ZC3H12C: variants seen among roughly 807,000 people sequenced by gnomAD.
ZC3H12C encodes the protein probable ribonuclease ZC3H12C.
Under a neutral mutation model 76.3 loss-of-function variants are expected in ZC3H12C, and 20 were observed. That is an observed-to-expected ratio of 0.26 (90% CI 0.18 to 0.38). ZC3H12C has a LOEUF of 0.38. Among genes scored for constraint, ZC3H12C ranks in the 10% least tolerant of loss-of-function variants. ZC3H12C has a pLI of 1.00. For missense variants in ZC3H12C, 874 were observed against 1,086.5 expected, an observed-to-expected ratio of 0.80 and a Z score of 2.75; for synonymous variants, 352 against 399.6, an observed-to-expected ratio of 0.88 and a Z score of 1.42.
chr11:110,120,947 G>A (rs1321577365), intron 1 of ZC3H12C, among the ~76,000 whole-genome samples: 6 of 152,176 alleles, frequency 3.9e-5, no homozygotes, highest in Non-Finnish European at 8.8e-5. Flanking sequence ...ATTTTAACAG[G>A]TGAAACTGTG....
rs569545450 is a variant in ZC3H12C, at chr11:110,127,392, C to T, written c.22-9271C>T. Among the ~76,000 whole-genome samples the T allele has an allele frequency of 2.0e-5, 3 of 152,270 alleles. No individual in the cohort carries two copies. In the South Asian group the frequency reaches 6.2e-4, roughly 32 times the overall value. On this transcript the variant is annotated intron_variant, in intron 1 of 5. Coordinates refer to ENST00000278590, the MANE Select transcript of ZC3H12C (RefSeq NM_033390.2). ...TCCTAAATATAATAACTCATAGATA[C>T]TAGAGTTAATGCCTATTTGATTTTT... is the stretch of plus-strand genomic sequence containing the variant.
rs1053753512 is a variant in ZC3H12C, at chr11:110,106,180, A to G, written c.21+12748A>G. ...CTACTCGGGAGGCTGAGGCAGGAGA[A>G]TGGCGTGAACCCGGGAGGCGGAGCT... On this transcript the variant is annotated intron_variant, in intron 1 of 5. Coordinates refer to ENST00000278590, the MANE Select transcript of ZC3H12C (RefSeq NM_033390.2). 5.8e-5 allele frequency among the ~76,000 whole-genome samples: 4 copies of G among 69,348 alleles called. 1 individual carries two copies. Among genetic ancestry groups the G allele is most frequent in the African/African-American group, 2.4e-4 (4 of 16,716 alleles). The allele number at this position is 69,348 out of a possible 152,430, so 45.5% of individuals were successfully genotyped here.
intron 3 of ZC3H12C, among the ~76,000 whole-genome samples, chr11:110,157,504 G>A (rs949400014): frequency 6.7e-6 from 1 of 149,454 alleles, no homozygotes; most frequent in Non-Finnish European, 1.5e-5. Flanking sequence ...GCGTGATCTC[G>A]GCTCACTGCA....
At chr11:110,093,498 G>T (rs1458267171) in intron 1 of ZC3H12C, 66 bp downstream of exon 1, 17 of 1,150,540 alleles carry the variant, frequency 1.5e-5, no homozygotes, top group Non-Finnish European at 1.8e-5. Context: ...GTAGCCGGTC[G>T]TGGGGAGGGC....
intron 2 of ZC3H12C, among the ~76,000 whole-genome samples, chr11:110,152,638 G>T (rs184570025): frequency 6.6e-6 from 1 of 152,104 alleles, no homozygotes; most frequent in East Asian, 1.9e-4. Flanking sequence ...AAAACAGCTT[G>T]TGTCTTTCTG....
chr11:110,101,150 C>A (rs546199931), intron 1 of ZC3H12C, among the ~76,000 whole-genome samples: 2 of 152,206 alleles, frequency 1.3e-5, no homozygotes, highest in South Asian at 2.1e-4. Context: ...TAAGCCAAAG[C>A]CTATTCCAGA....
At chr11:110,113,960 C>G (rs1861479543) in intron 1 of ZC3H12C, among the ~76,000 whole-genome samples, 1 of 152,080 alleles carries the variant, frequency 6.6e-6, no homozygotes, top group Non-Finnish European at 1.5e-5. Flanking sequence ...ACTCAGAAAC[C>G]TTCAGTGTTT....
At chr11:110,115,748 C>CTTTTTTTTTTT (rs71476067) in intron 1 of ZC3H12C, among the ~76,000 whole-genome samples, 2 of 120,320 alleles carry the variant, frequency 1.7e-5, no homozygotes. Context: ...TTCTCATTTT[C>CTTTTTTTTTTT]TTTTTTTTTT....
chr11:110,131,104 A>G, intron 1 of ZC3H12C: 3 of 1,534,868 alleles, frequency 2.0e-6, no homozygotes, highest in Non-Finnish European at 2.6e-6. Flanking sequence ...TTTTCCTGCT[A>G]ACGTGAGTAT....
Position 110,165,053 on chromosome 11 carries a change from AGAG to A in ZC3H12C, c.1972_1974del (p.Glu658del), listed in dbSNP as rs753373437. On this transcript the variant is annotated inframe_deletion, in exon 6 of 6. Transcript: ENST00000278590. ...ATGTCAGCTCCCCCGACCCACAGCT[AGAG>A]GAGAATTTGAAGTGTCAACACATGC... The A allele has an allele frequency of 1.9e-6, 3 of 1,613,870 alleles. No homozygotes were observed. The highest frequency in any genetic ancestry group is 3.3e-5 in the Admixed American group (2 of 60,018).
chr11:110,169,293 CTTATG>C lies in ZC3H12C; in HGVS notation c.*3561_*3565del, dbSNP rs1366935022. ...ATATTTATAAAACAAATATACTTTG[CTTATG>C]TTATAGCTCTTAGTTTGTGACAGGT... is the stretch of plus-strand genomic sequence containing the variant. On this transcript the variant is annotated 3_prime_UTR_variant, in exon 6 of 6. Coordinates refer to ENST00000278590, the MANE Select transcript of ZC3H12C (RefSeq NM_033390.2). 1 of 149,278 alleles carries C rather than the reference CTTATG, an allele frequency of 6.7e-6. No homozygotes were observed. The highest frequency in any genetic ancestry group is 1.9e-4 in the East Asian group (1 of 5,140). 9.2% of individuals were successfully genotyped at this position (149,278 alleles called of 1,614,324 possible).
At chr11:110,112,883 C>A (rs1342521078) in intron 1 of ZC3H12C, among the ~76,000 whole-genome samples, 1 of 152,062 alleles carries the variant, frequency 6.6e-6, no homozygotes, top group Non-Finnish European at 1.5e-5. Flanking sequence ...GTTATTCTTT[C>A]TGTTGTTCTA....
At chr11:110,093,726 G>A (rs992632040) in intron 1 of ZC3H12C, among the ~76,000 whole-genome samples, 5 of 152,142 alleles carry the variant, frequency 3.3e-5, no homozygotes, top group Admixed American at 3.3e-4. Flanking sequence ...CCGGCCCCGC[G>A]GCCTAAGGCA....
chr11:110,163,494 G>T, intron 5 of ZC3H12C, 115 bp downstream of exon 5: 1 of 718,232 alleles, frequency 1.4e-6, no homozygotes. Flanking sequence ...CAGTTCTTTG[G>T]ATTCCAGATA....
intron 1 of ZC3H12C, among the ~76,000 whole-genome samples, chr11:110,098,801 G>A (rs1861161093): frequency 6.6e-6 from 1 of 152,184 alleles, no homozygotes; most frequent in Non-Finnish European, 1.5e-5. Flanking sequence ...GTTTGTGTAA[G>A]TATACTCTGT....
chr11:110,105,459 G>C (rs577585651), intron 1 of ZC3H12C, among the ~76,000 whole-genome samples: 3 of 152,132 alleles, frequency 2.0e-5, no homozygotes, highest in Non-Finnish European at 4.4e-5. Flanking sequence ...TGAAAAAATA[G>C]TTTCAAATGG....
chr11:110,165,813 C>A lies in ZC3H12C; in HGVS notation c.*76C>A. 7.6e-7 allele frequency: 1 copy of A among 1,324,282 alleles called. No homozygotes were observed. Among genetic ancestry groups the A allele is most frequent in the Non-Finnish European group, 1.0e-6 (1 of 977,066 alleles). 82.0% of individuals were successfully genotyped at this position (1,324,282 alleles called of 1,614,324 possible). ...CTGAGGGAGGTTTGCTACAATAGCA[C>A]ATGTGATCTCCTTCTCAGCAAGGAG... On this transcript the variant is annotated 3_prime_UTR_variant, in exon 6 of 6. Transcript: ENST00000278590.
In ZC3H12C at chr11:110,141,211, A is replaced by G. The variant is rs371230788; in HGVS notation, c.773+3797A>G. Among the ~76,000 whole-genome samples, 117 of 152,322 alleles carry G rather than the reference A, an allele frequency of 7.7e-4. 1 individual carries two copies. Among genetic ancestry groups the G allele is most frequent in the African/African-American group, 2.7e-3 (112 of 41,568 alleles). The stretch of plus-strand genomic sequence containing the variant: ...ACTGAAGTAATTTTCTTAAAGTTTG[A>G]ACAGAAATCAGATATAGATTATATA... On this transcript the variant is annotated intron_variant, in intron 2 of 5. Coordinates refer to ENST00000278590, the MANE Select transcript of ZC3H12C (RefSeq NM_033390.2).
chr11:110,093,424 G>T lies in ZC3H12C; in HGVS notation c.13G>T (p.Gly5Cys). Residue 5 changes from glycine (G) to cysteine (C), a missense_variant, in exon 1 of 6, where the codon GGC becomes TGC. Gly to Cys is a radical substitution (Grantham distance 159). Coordinates refer to ENST00000278590, the MANE Select transcript of ZC3H12C (RefSeq NM_033390.2). Reference sequence around the variant, plus strand: ...CGCGGGGCTGGCTATGCCGGGTGGCGGCTCCCAGGTTTGTCCTCGGGAAGG... The same window carrying T: ...CGCGGGGCTGGCTATGCCGGGTGGCTGCTCCCAGGTTTGTCCTCGGGAAGG... MPGG[G>C]SQEYGVLCIQ... is the part of the protein sequence containing the mutation. The T allele has an allele frequency of 1.7e-6, 2 of 1,204,598 alleles. No individual in the cohort carries two copies. Among genetic ancestry groups the T allele is most frequent in the Non-Finnish European group, 2.1e-6 (2 of 966,922 alleles). The allele number at this position is 1,204,598 out of a possible 1,614,324, so 74.6% of individuals were successfully genotyped here.
Sources: gnomAD v4.1 joint callset for allele counts (sites outside exome capture counted in the v4.1 genomes callset) on GRCh38, gnomAD v4.1.1 for gene constraint, MANE v1.5 for transcripts, NCBI Gene and HGNC (gene_info 2026-07-23, HGNC 2026-07-21) for gene names.